Variants in SMPD3 observed in about 807,000 individuals in gnomAD.
The protein encoded by SMPD3 is nSMase-2.
A neutral mutation model predicts 55.7 loss-of-function variants in SMPD3; 21 were observed. That is an observed-to-expected ratio of 0.38 (90% CI 0.27 to 0.54). The LOEUF is 0.54. SMPD3 is among the 20% of genes least tolerant of loss of function. SMPD3 has a pLI of 0.80. For synonymous variants in SMPD3, 457 were observed against 404.3 expected, an observed-to-expected ratio of 1.13 and a Z score of -1.56; for missense variants, 842 against 899.6, an observed-to-expected ratio of 0.94 and a Z score of 0.82.
intron 1 of SMPD3, among the ~76,000 whole-genome samples, chr16:68,406,832 G>A (rs1002966215): frequency 3.9e-5 from 6 of 152,224 alleles, no homozygotes; most frequent in South Asian, 4.1e-4. Context: ...TCACCGTAGC[G>A]TGGAGGAGAC....
intron 1 of SMPD3, among the ~76,000 whole-genome samples, chr16:68,440,759 T>G (rs1383030806): frequency 1.3e-5 from 2 of 152,220 alleles, no homozygotes; most frequent in African/African-American, 2.4e-5. Context: ...GTCTGATTCC[T>G]GTCCAGAATT....
At position 68,389,620 on chromosome 16, in the gene SMPD3, C is replaced by G. The variant is rs547682899; in HGVS notation, c.-268-2961G>C. 3.3e-5 allele frequency among the ~76,000 whole-genome samples: 5 copies of G among 152,200 alleles called. No homozygotes were observed. The South Asian group carries it at 8.3e-4, about 25-fold the overall frequency. ...TGGTGATACTGGGGCCAGGTACCTTCGATGAGGCTGGAGCCTAGAGGTTTA... is the reference window on the plus strand; with the variant it reads ...TGGTGATACTGGGGCCAGGTACCTTGGATGAGGCTGGAGCCTAGAGGTTTA... On this transcript the variant is annotated intron_variant, in intron 1 of 8. Transcript: ENST00000219334.
chr16:68,406,538 G>A (rs527848228), intron 1 of SMPD3, among the ~76,000 whole-genome samples: 4 of 152,252 alleles, frequency 2.6e-5, no homozygotes, highest in South Asian at 2.1e-4. Context: ...TGTCGCCCTC[G>A]GTAGCGGCAG....
chr16:68,372,582 CTGTTCTCT>C (rs1236933251), intron 2 of SMPD3, among the ~76,000 whole-genome samples, 195 bp from the exon 3 acceptor site: 2 of 152,232 alleles, frequency 1.3e-5, no homozygotes, highest in African/African-American at 4.8e-5. Context: ...TCCATGTATG[CTGTTCTCT>C]TGGAGCGAAT....
At position 68,447,348 on chromosome 16, in the gene SMPD3, C is replaced by G. The variant is rs1276961077; in HGVS notation, c.-269+1005G>C. Among the ~76,000 whole-genome samples, 2 of 152,238 alleles carry G rather than the reference C, an allele frequency of 1.3e-5. No individual in the cohort carries two copies. Among genetic ancestry groups the G allele is most frequent in the South Asian group, 2.1e-4 (1 of 4,822 alleles). ...CTTGAGTGCTTGAGGGGAGACCCGC[C>G]CCGTCCCGCTCTGTACATGCCCATC... On this transcript the variant is annotated intron_variant, in intron 1 of 8. Coordinates refer to ENST00000219334, the MANE Select transcript of SMPD3 (RefSeq NM_018667.4). The surrounding 1 kb of genome is among the most constrained non-coding windows in gnomAD (Gnocchi z 5.1).
At position 68,447,345 on chromosome 16, in the gene SMPD3, C is replaced by T. The variant is rs945809221; in HGVS notation, c.-269+1008G>A. ...GCTCTTGAGTGCTTGAGGGGAGACC[C>T]GCCCCGTCCCGCTCTGTACATGCCC... is the stretch of plus-strand genomic sequence containing the variant. On this transcript the variant is annotated intron_variant, in intron 1 of 8. Transcript: ENST00000219334. This position sits in a 1 kb window ranked among gnomAD's most constrained non-coding sequence, Gnocchi z 5.1. Among the ~76,000 whole-genome samples the T allele has an allele frequency of 1.3e-5, 2 of 152,208 alleles. No homozygotes were observed. The highest frequency in any genetic ancestry group is 1.9e-4 in the East Asian group (1 of 5,166).
intron 3 of SMPD3, 72 bp from the exon 4 acceptor site, chr16:68,365,164 G>T: frequency 6.7e-7 from 1 of 1,498,596 alleles, no homozygotes; most frequent in Non-Finnish European, 9.2e-7. Context: ...CACTGGCAGT[G>T]CCCACCCACC....
At chr16:68,414,440 G>T (rs527873648) in intron 1 of SMPD3, among the ~76,000 whole-genome samples, 13 of 152,362 alleles carry the variant, frequency 8.5e-5, no homozygotes, top group Admixed American at 2.0e-4. Flanking sequence ...GGCTCAGCCT[G>T]GTCTCTCCCA....
At chr16:68,364,652 AG>A in intron 5 of SMPD3, 98 bp downstream of exon 5, 1 of 1,347,132 alleles carries the variant, frequency 7.4e-7, no homozygotes, top group Non-Finnish European at 1.0e-6. Flanking sequence ...CTCGAGGAGC[AG>A]GAATTCTTTG....
Position 68,372,363 on chromosome 16 carries a change from G to A in SMPD3, c.-182C>T. On this transcript the variant is annotated 5_prime_UTR_variant, in exon 3 of 9. Transcript: ENST00000219334. Reference sequence around the variant, plus strand: ...AGCCGGTCATGGTTCACCTCGGTGGGCCATGCGGAGGCCTACTGCAGACCC... The same window carrying A: ...AGCCGGTCATGGTTCACCTCGGTGGACCATGCGGAGGCCTACTGCAGACCC... 6.6e-6 allele frequency: 5 copies of A among 757,324 alleles called. No homozygotes were observed. The highest frequency in any genetic ancestry group is 2.5e-5 in the Admixed American group (1 of 39,578). 46.9% of individuals were successfully genotyped at this position (757,324 alleles called of 1,614,324 possible). A position where few individuals can be genotyped will look rare whatever the true frequency, so the allele number is the denominator to read the frequency against.
intron 2 of SMPD3, among the ~76,000 whole-genome samples, chr16:68,377,070 GGGT>G (rs1404957524): frequency 6.6e-6 from 1 of 152,136 alleles, no homozygotes; most frequent in Admixed American, 6.5e-5. Context: ...ACGGTTCTGG[GGGT>G]CACTGGAGCC....
intron 1 of SMPD3, among the ~76,000 whole-genome samples, chr16:68,413,263 T>G (rs1202138323): frequency 6.6e-6 from 1 of 152,232 alleles, no homozygotes; most frequent in African/African-American, 2.4e-5. Flanking sequence ...TTGGCCACTC[T>G]GAGAGGCGAA....
At chr16:68,399,588 A>T (rs560514207) in intron 1 of SMPD3, among the ~76,000 whole-genome samples, 1 of 152,296 alleles carries the variant, frequency 6.6e-6, no homozygotes, top group East Asian at 1.9e-4. Context: ...ACAAAGAAGG[A>T]GCCTTGAGGC....
intron 7 of SMPD3, 105 bp from the exon 8 acceptor site, chr16:68,361,864 G>A: frequency 7.8e-7 from 1 of 1,282,330 alleles, no homozygotes; most frequent in South Asian, 1.3e-5. Flanking sequence ...GGAGCGGGTG[G>A]GTGGGACCAA....
At chr16:68,432,969 A>T (rs948188162) in intron 1 of SMPD3, among the ~76,000 whole-genome samples, 1 of 151,934 alleles carries the variant, frequency 6.6e-6, no homozygotes, top group African/African-American at 2.4e-5. Context: ...ATGCCCAGCT[A>T]ATGTTTTTGG....
intron 2 of SMPD3, among the ~76,000 whole-genome samples, chr16:68,380,898 C>T (rs1204634115): frequency 2.6e-5 from 4 of 152,246 alleles, no homozygotes; most frequent in South Asian, 2.1e-4. Context: ...TGGCCGACTA[C>T]ACGATGTGTA....
intron 8 of SMPD3, 144 bp from the exon 9 acceptor site, chr16:68,361,451 G>T: frequency 7.3e-7 from 1 of 1,373,772 alleles, no homozygotes; most frequent in Non-Finnish European, 1.0e-6. Context: ...GGGCCTGGAG[G>T]ACCTGGGGCC....
rs2151984735 is a variant in SMPD3 at position 68,372,266 on chromosome 16, T to G, written c.-85A>C. On this transcript the variant is annotated 5_prime_UTR_variant, in exon 3 of 9. Coordinates refer to ENST00000219334, the MANE Select transcript of SMPD3 (RefSeq NM_018667.4). ...ACTTTCCTGGGCGAGGGTGGGCGAG[T>G]TGGGGGCAGCTGGAGGAGGGGTCAC... The G allele has an allele frequency of 6.5e-7, 1 of 1,541,640 alleles. No individual in the cohort carries two copies. Among genetic ancestry groups the G allele is most frequent in the East Asian group, 2.3e-5 (1 of 42,558 alleles).
chr16:68,381,964 T>C (rs571115403), intron 2 of SMPD3: 1 of 152,330 alleles, frequency 6.6e-6, no homozygotes, highest in Non-Finnish European at 1.5e-5. Context: ...ACAATAATGA[T>C]GTTCCTTTGT....
Sources: allele counts gnomAD v4.1 joint callset (sites outside exome capture counted in the v4.1 genomes callset), GRCh38; gene constraint gnomAD v4.1.1; non-coding constraint Gnocchi (gnomAD v3.1); transcripts MANE v1.5; gene names NCBI Gene and HGNC (gene_info 2026-07-23, HGNC 2026-07-21).